The following TANK variants were observed in gnomAD, a reference collection of about 807,000 sequenced individuals.
The protein encoded by TANK is TRAF family member associated NFKB activator.
TANK carries 15 observed loss-of-function variants against 43.6 expected under a neutral mutation model. The ratio of observed to expected loss-of-function variants is 0.34; its 90% confidence interval spans 0.23 to 0.53. The LOEUF (loss-of-function observed/expected upper bound fraction) is 0.53. TANK is among the 20% of genes least tolerant of loss of function. TANK has a pLI of 0.94. For missense variants in TANK, 417 were observed against 498.6 expected (o/e 0.84, Z 1.56); for synonymous variants, 162 against 178.2 (o/e 0.91, Z 0.73).
intron 3 of TANK, 38 bp from the exon 4 acceptor site, chr2:161,204,637 G>A: frequency 6.4e-7 from 1 of 1,574,450 alleles, no homozygotes; most frequent in Non-Finnish European, 8.6e-7. Flanking sequence ...CAAAAATAAG[G>A]GTTTTCTGCT....
chr2:161,209,309 A>C (rs748383900), intron 4 of TANK, among the ~76,000 whole-genome samples: 7 of 152,220 alleles, frequency 4.6e-5, no homozygotes, highest in Non-Finnish European at 8.8e-5. Context: ...GCACACAATT[A>C]TTCTTGACAA....
intron 4 of TANK, 103 bp from the exon 5 acceptor site, chr2:161,223,812 A>G (rs772145092): frequency 1.5e-6 from 1 of 681,988 alleles, no homozygotes; most frequent in Non-Finnish European, 2.5e-6. Context: ...ATTTTTCAGT[A>G]GGGAAGGTAA....
intron 1 of TANK, among the ~76,000 whole-genome samples, chr2:161,167,699 T>C (rs1684750257): frequency 6.6e-6 from 1 of 152,168 alleles, no homozygotes; most frequent in South Asian, 2.1e-4. Context: ...CTTGTCTCAC[T>C]GCAAGCTCCG....
At chr2:161,234,207 A>C (rs576990300) in intron 7 of TANK, among the ~76,000 whole-genome samples, 1 of 152,308 alleles carries the variant, frequency 6.6e-6, no homozygotes, top group South Asian at 2.1e-4. Context: ...TATACTGTTT[A>C]TGTAAATGAT....
At position 161,212,927 on chromosome 2, in the gene TANK, A is replaced by G. The variant is rs543228234; in HGVS notation, c.327+8134A>G. The stretch of plus-strand genomic sequence containing the variant: ...TGATTTTGATATCTGTAAAAGTTCA[A>G]GATTGGACATTGACATCTGGCAAGG... On this transcript the variant is annotated intron_variant, in intron 4 of 7. Transcript: ENST00000392749. 2.9e-5 allele frequency: 12 copies of G among 419,566 alleles called. No homozygotes were observed. The South Asian group carries it at 1.0e-3, about 35-fold the overall frequency. 26.0% of individuals were successfully genotyped at this position (419,566 alleles called of 1,614,324 possible). A position where few individuals can be genotyped will look rare whatever the true frequency, so the allele number is the denominator to read the frequency against.
chr2:161,209,286 A>C (rs1440326654), intron 4 of TANK, among the ~76,000 whole-genome samples: 1 of 152,238 alleles, frequency 6.6e-6, no homozygotes, highest in Non-Finnish European at 1.5e-5. Context: ...ATAGGAAATC[A>C]GATAACAAAA....
chr2:161,154,910 A>G (rs1254504377), intron 1 of TANK, among the ~76,000 whole-genome samples: 1 of 151,938 alleles, frequency 6.6e-6, no homozygotes, highest in East Asian at 1.9e-4. Context: ...ACACCTGGCT[A>G]ATTTTTGTAC....
intron 1 of TANK, among the ~76,000 whole-genome samples, chr2:161,148,210 T>C (rs1683971697): frequency 6.6e-6 from 1 of 152,204 alleles, no homozygotes; most frequent in African/African-American, 2.4e-5. Context: ...GGGTTCTTAT[T>C]ACAGCCATCC....
chr2:161,166,743 A>G (rs1038436934), intron 1 of TANK, among the ~76,000 whole-genome samples: 3 of 151,920 alleles, frequency 2.0e-5, no homozygotes, highest in African/African-American at 7.3e-5. Context: ...CTATGATTGC[A>G]CCGCCACACT....
chr2:161,163,406 C>G (rs976704943), intron 1 of TANK: 7 of 151,770 alleles, frequency 4.6e-5, no homozygotes, highest in Non-Finnish European at 1.0e-4. Context: ...CTGGTTATTT[C>G]CCCCCTACAC....
chr2:161,206,788 T>C (rs1686673264), intron 4 of TANK, among the ~76,000 whole-genome samples: 2 of 152,136 alleles, frequency 1.3e-5, no homozygotes, highest in Non-Finnish European at 2.9e-5. Context: ...AATTGTTGAA[T>C]TACTATACTG....
intron 1 of TANK, among the ~76,000 whole-genome samples, chr2:161,168,098 ATAG>A (rs1280700708): frequency 6.6e-6 from 1 of 152,156 alleles, no homozygotes; most frequent in Non-Finnish European, 1.5e-5. Flanking sequence ...TTGGCATCAC[ATAG>A]TAGGTAGCTT....
chr2:161,197,177 C>A (rs1049564773), intron 2 of TANK, among the ~76,000 whole-genome samples: 1 of 152,066 alleles, frequency 6.6e-6, no homozygotes, highest in African/African-American at 2.4e-5. Context: ...TATTTTTGTT[C>A]TGTTGGTGGT....
chr2:161,158,578 A>G (rs927662425), upstream of TANK, among the ~76,000 whole-genome samples: 5 of 152,194 alleles, frequency 3.3e-5, no homozygotes, highest in Admixed American at 2.6e-4. Context: ...AGTTTTTAGC[A>G]CCTCCATATT....
intron 7 of TANK, chr2:161,232,867 T>C (rs1411258313): frequency 1.7e-5 from 27 of 1,547,634 alleles, no homozygotes. Context: ...GGAGAATTAG[T>C]GTTGAGTTGT....
intron 4 of TANK, chr2:161,216,324 CT>C: frequency 2.2e-6 from 1 of 454,582 alleles, no homozygotes; most frequent in Non-Finnish European, 4.5e-6. Context: ...AATCTCCTTG[CT>C]TTCCTTCTTG....
chr2:161,173,100 T>G (rs558354653), intron 1 of TANK, among the ~76,000 whole-genome samples: 1 of 152,308 alleles, frequency 6.6e-6, no homozygotes, highest in Admixed American at 6.5e-5. Flanking sequence ...TAACTGAGTC[T>G]GCTGCATGTG....
intron 2 of TANK, among the ~76,000 whole-genome samples, chr2:161,188,260 T>G (rs1574006634): frequency 1.3e-5 from 2 of 152,076 alleles, no homozygotes; most frequent in East Asian, 3.8e-4. Flanking sequence ...AAGTGTTGAC[T>G]ATTTGAAAAG....
intron 2 of TANK, among the ~76,000 whole-genome samples, chr2:161,181,402 AAG>A (rs1685417791): frequency 6.6e-6 from 1 of 152,142 alleles, no homozygotes; most frequent in Admixed American, 6.5e-5. Flanking sequence ...CCTGGGTAAT[AAG>A]AACGAAACTC....
Sources: gnomAD v4.1 joint callset for allele counts (sites outside exome capture counted in the v4.1 genomes callset) on GRCh38, gnomAD v4.1.1 for gene constraint, MANE v1.5 for transcripts, NCBI Gene and HGNC (gene_info 2026-07-23, HGNC 2026-07-21) for gene names.